The following CLK1 variants were observed in gnomAD, a reference collection of about 807,000 sequenced individuals.
CLK1 encodes CDC like kinase 1.
CLK1 carries 40 observed loss-of-function variants against 60.9 expected under a neutral mutation model. That is an observed-to-expected ratio of 0.66 (90% CI 0.51 to 0.86). The LOEUF is 0.86. Ranked by LOEUF, CLK1 falls within the 40% of genes least tolerant of loss-of-function variation. The pLI, the probability that CLK1 is intolerant of heterozygous loss-of-function variation, is 0.00. For missense variants in CLK1, 563 were observed against 606.1 expected, an observed-to-expected ratio of 0.93 and a Z score of 0.75; for synonymous variants, 203 against 184.4, an observed-to-expected ratio of 1.10 and a Z score of -0.82.
chr2:200,861,193 C>T (rs2039131688), intron 3 of CLK1, 45 bp downstream of exon 3: 3 of 1,594,104 alleles, frequency 1.9e-6, no homozygotes, highest in Non-Finnish European at 2.6e-6. Context: ...TTCCCTGTTC[C>T]ACATGGGATA....
intron 1 of CLK1, chr2:200,863,975 T>G (rs746733026): frequency 1.8e-6 from 2 of 1,087,500 alleles, no homozygotes; most frequent in Admixed American, 3.6e-5. Flanking sequence ...TCTCTTTCCT[T>G]GGGTTCCTAA....
intron 1 of CLK1, chr2:200,864,127 T>C: frequency 6.4e-7 from 1 of 1,551,156 alleles, no homozygotes; most frequent in East Asian, 2.4e-5. Context: ...CCACAGCTGC[T>C]TGGCTCACGC....
intron 11 of CLK1, 58 bp from the exon 12 acceptor site, chr2:200,854,051 CA>C: frequency 8.8e-7 from 1 of 1,138,742 alleles, no homozygotes; most frequent in Non-Finnish European, 1.3e-6. Flanking sequence ...AAACAGCTAG[CA>C]AAGGTATCAA....
chr2:200,860,650 A>AT, intron 3 of CLK1: 1 of 997,598 alleles, frequency 1.0e-6, no homozygotes, highest in Non-Finnish European at 1.2e-6. Context: ...AAGAAAACAA[A>AT]TATTATAACA....
At chr2:200,860,812 G>A (rs902047309) in intron 3 of CLK1, 4 of 1,029,100 alleles carry the variant, frequency 3.9e-6, no homozygotes, top group African/African-American at 3.5e-5. Context: ...AGTGAAAGAA[G>A]GGTTAGAAAA....
chr2:200,854,306 T>C (rs1391056553), intron 11 of CLK1, among the ~76,000 whole-genome samples: 2 of 151,846 alleles, frequency 1.3e-5, no homozygotes, highest in East Asian at 1.9e-4. Flanking sequence ...GAGGCCGAGG[T>C]GGGCGGATCA....
intron 4 of CLK1, 55 bp from the exon 5 acceptor site, chr2:200,859,801 T>C (rs551141509): frequency 6.2e-7 from 1 of 1,602,664 alleles, no homozygotes; most frequent in South Asian, 1.1e-5. Flanking sequence ...AATGTACTTA[T>C]CACAATAAAT....
chr2:200,860,777 A>C (rs1452790195), intron 3 of CLK1: 1 of 1,017,884 alleles, frequency 9.8e-7, no homozygotes. Flanking sequence ...AACCCATAAC[A>C]GTTCAAATCT....
intron 1 of CLK1, among the ~76,000 whole-genome samples, chr2:200,862,239 G>C (rs2039151023): frequency 6.6e-6 from 1 of 152,248 alleles, no homozygotes; most frequent in South Asian, 2.1e-4. Context: ...CCCAAGCTAA[G>C]CCATCATATC....
intron 9 of CLK1, 29 bp from the exon 10 acceptor site, chr2:200,855,115 A>G: frequency 6.7e-7 from 1 of 1,492,986 alleles, no homozygotes; most frequent in Non-Finnish European, 9.2e-7. Context: ...TTTAAGGAAA[A>G]AAAATACTCA....
chr2:200,859,108 G>A (rs1244075961), intron 5 of CLK1, among the ~76,000 whole-genome samples: 4 of 152,090 alleles, frequency 2.6e-5, no homozygotes, highest in Admixed American at 6.5e-5. Context: ...CCTGAACCCG[G>A]GAGGCAGAGG....
In CLK1 at chr2:200,860,650, ATAT is replaced by A. The variant is rs758209579; in HGVS notation, c.391-438_391-436del. On this transcript the variant is annotated intron_variant, in intron 3 of 12. Transcript: ENST00000321356. ...TTTCCTACCTAATCTAAGAAAACAA[ATAT>A]TATAACAGTAAATAAAATTAAAGTG... 7.0e-5 allele frequency: 70 copies of A among 997,480 alleles called. 1 individual carries two copies. The highest frequency in any genetic ancestry group is 8.1e-5 in the Non-Finnish European group (68 of 836,238). 61.8% of individuals were successfully genotyped at this position (997,480 alleles called of 1,614,324 possible).
Position 200,861,719 on chromosome 2 carries a change from G to A in CLK1, c.144C>T (p.His48=), listed in dbSNP as rs775394921. ...CTCCTTACCTATCACACATTTTAGA[G>A]TGATTGTATTTGCAGCGCTTGTTCT... is the stretch of plus-strand genomic sequence containing the variant. The part of the protein sequence containing the change: ...AQENKRCKYN[H]SKMCDSHYLE... Residue 48 remains histidine (H), a synonymous_variant, in exon 2 of 13, where the codon CAC becomes CAT. Transcript: ENST00000321356. 17 of 1,613,922 alleles carry A rather than the reference G, an allele frequency of 1.1e-5. No individual in the cohort carries two copies. The African/African-American group carries it at 2.3e-4, about 22-fold the overall frequency.
chr2:200,857,258 A>C (rs2039058989), intron 7 of CLK1: 4 of 401,020 alleles, frequency 1.0e-5, no homozygotes, highest in African/African-American at 6.0e-5. Context: ...GTGAGTGAAG[A>C]CTGCGCCACT....
At chr2:200,864,126 C>T (rs1455459591) in intron 1 of CLK1, 16 of 1,551,214 alleles carry the variant, frequency 1.0e-5, no homozygotes, top group Non-Finnish European at 1.3e-5. Flanking sequence ...CCCACAGCTG[C>T]TTGGCTCACG....
chr2:200,856,576 T>C, intron 9 of CLK1, 106 bp downstream of exon 9: 2 of 881,226 alleles, frequency 2.3e-6, no homozygotes, highest in East Asian at 2.5e-5. Context: ...ACTTATCCCT[T>C]AAAGAGAATA....
Position 200,853,383 on chromosome 2 carries a change from A to G in CLK1, c.1378T>C (p.Tyr460His), listed in dbSNP as rs2105732444. Residue 460 changes from tyrosine to histidine, a missense_variant, in exon 13 of 13, where the codon TAT becomes CAT. Tyr to His is a moderately conservative substitution (Grantham distance 83). Transcript: ENST00000321356. Reference sequence around the variant, plus strand: ...AGAGTAATTCTTTTGGCTGGATCATACTCCAACATTTTCTGAATGAGGTCA... The same window carrying G: ...AGAGTAATTCTTTTGGCTGGATCATGCTCCAACATTTTCTGAATGAGGTCA... ...LFDLIQKMLEYDPAKRITLRE... is the reference protein window; with the variant it reads ...LFDLIQKMLEHDPAKRITLRE... 6.2e-7 allele frequency: 1 copy of G among 1,613,146 alleles called. No individual in the cohort carries two copies. Among genetic ancestry groups the G allele is most frequent in the East Asian group, 2.2e-5 (1 of 44,856 alleles).
At chr2:200,860,069 C>CA (rs1236836463) in intron 4 of CLK1, 56 bp downstream of exon 4, 12 of 1,589,594 alleles carry the variant, frequency 7.5e-6, no homozygotes, top group Non-Finnish European at 9.5e-6. Context: ...AAAGCTTAAT[C>CA]TATATATAGA....
chr2:200,858,895 C>T (rs2039089474), intron 5 of CLK1, among the ~76,000 whole-genome samples: 1 of 151,194 alleles, frequency 6.6e-6, no homozygotes, highest in Non-Finnish European at 1.5e-5. Flanking sequence ...AATTTCATGG[C>T]TGGAGCCAAG....
Sources: allele counts gnomAD v4.1 joint callset (sites outside exome capture counted in the v4.1 genomes callset), GRCh38; gene constraint gnomAD v4.1.1; transcripts MANE v1.5; gene names NCBI Gene and HGNC (gene_info 2026-07-23, HGNC 2026-07-21).